The following SGIP1 variants were observed in gnomAD, a reference collection of about 807,000 sequenced individuals.
The protein encoded by SGIP1 is SH3-containing GRB2-like protein 3-interacting protein 1.
In SGIP1, 38 loss-of-function variants were observed where a neutral mutation model predicts 107.5. The observed-to-expected ratio is 0.35, with a 90% confidence interval of 0.27 to 0.46. The LOEUF is 0.46. Ranked by LOEUF, SGIP1 falls within the 20% of genes least tolerant of loss-of-function variation. SGIP1 has a pLI of 1.00. For missense variants in SGIP1, 929 were observed against 1,019.5 expected (o/e 0.91, Z 1.21); for synonymous variants, 365 against 366.1 (o/e 1.00, Z 0.03).
At chr1:66,732,590 G>A (rs1273702105) in intron 20 of SGIP1, among the ~76,000 whole-genome samples, 1 of 152,134 alleles carries the variant, frequency 6.6e-6, no homozygotes, top group African/African-American at 2.4e-5. Context: ...ACAGATCAGT[G>A]ACAGTTTTAA....
At chr1:66,593,934 C>A (rs1169920551) in intron 1 of SGIP1, among the ~76,000 whole-genome samples, 1 of 152,058 alleles carries the variant, frequency 6.6e-6, no homozygotes, top group Non-Finnish European at 1.5e-5. Context: ...TAATAATATT[C>A]TTAAAGAATA....
At position 66,745,690 on chromosome 1, in the gene SGIP1, T is replaced by C. The variant is rs1015491820; in HGVS notation, c.*2595T>C. The C allele has an allele frequency of 3.9e-5, 6 of 152,192 alleles. No individual in the cohort carries two copies. Among genetic ancestry groups the C allele is most frequent in the East Asian group, 1.9e-4 (1 of 5,184 alleles). 9.4% of individuals were successfully genotyped at this position (152,192 alleles called of 1,614,324 possible). ...AGGGGTTAAAACAAAAAGAAATTGT[T>C]CTAGTTAACCAGAACACCATTTCCT... On this transcript the variant is annotated 3_prime_UTR_variant, in exon 25 of 25. Transcript: ENST00000371037.
At chr1:66,604,369 G>C (rs183299241) in intron 1 of SGIP1, among the ~76,000 whole-genome samples, 1 of 152,064 alleles carries the variant, frequency 6.6e-6, no homozygotes, top group African/African-American at 2.4e-5. Context: ...CATCATGGTC[G>C]TCTCAGACAA....
intron 1 of SGIP1, among the ~76,000 whole-genome samples, chr1:66,558,910 G>T (rs1435598477): frequency 6.6e-6 from 1 of 151,934 alleles, no homozygotes; most frequent in Non-Finnish European, 1.5e-5. Flanking sequence ...TTGTGATTTG[G>T]TTTCAAAGAA....
chr1:66,620,301 T>C (rs2070653312), intron 1 of SGIP1, among the ~76,000 whole-genome samples: 1 of 152,186 alleles, frequency 6.6e-6, no homozygotes, highest in Admixed American at 6.6e-5. Context: ...AAAAAGGTTA[T>C]TTTTAAAAAG....
At chr1:66,634,116 C>T in intron 3 of SGIP1, 1 of 1,610,094 alleles carries the variant, frequency 6.2e-7, no homozygotes, top group Non-Finnish European at 8.5e-7. Flanking sequence ...TCAGCTTCTC[C>T]TCACCTCTTG....
At position 66,580,993 on chromosome 1, in the gene SGIP1, T is replaced by C. The variant is rs139867293; in HGVS notation, c.11-44854T>C. On this transcript the variant is annotated intron_variant, in intron 1 of 24. Transcript: ENST00000371037. ...GTTTGGATCTGTGCACTCTAACCTA[T>C]AGAAAAGCCATCATATATACCAAAA... is the stretch of plus-strand genomic sequence containing the variant. 4.1e-3 allele frequency among the ~76,000 whole-genome samples: 631 copies of C among 152,240 alleles called. 4 individuals carry two copies. Among genetic ancestry groups the C allele is most frequent in the African/African-American group, 0.014 (601 of 41,564 alleles).
At chr1:66,677,314 T>A (rs1300336841) in intron 13 of SGIP1, among the ~76,000 whole-genome samples, 1 of 152,246 alleles carries the variant, frequency 6.6e-6, no homozygotes, top group East Asian at 1.9e-4. Context: ...ATTATTAACC[T>A]TGAATCATAG....
At position 66,682,338 on chromosome 1, in the gene SGIP1, T is replaced by C. The variant is rs1489001350; in HGVS notation, c.1284T>C (p.Pro428=). The part of the protein sequence containing the change: ...TYRTVVSSPG[P]GSGPGPGTTS... ...GGACTGTGGTTTCGTCCCCCGGACC[T>C]GGCTCGGGCCCTGGTCCGGGGACCA... The change falls in exon 15 of 25, where the codon CCT becomes CCC. Residue 428 remains proline (P), a synonymous_variant. Transcript: ENST00000371037. 4 of 1,613,680 alleles carry C rather than the reference T, an allele frequency of 2.5e-6. No homozygotes were observed. Among genetic ancestry groups the C allele is most frequent in the Non-Finnish European group, 3.4e-6 (4 of 1,179,888 alleles).
At chr1:66,571,182 A>G (rs766826878) in intron 1 of SGIP1, among the ~76,000 whole-genome samples, 15 of 152,036 alleles carry the variant, frequency 9.9e-5, no homozygotes, top group African/African-American at 3.6e-4. Flanking sequence ...AAAATGTTAA[A>G]TGAAACCAAA....
intron 1 of SGIP1, among the ~76,000 whole-genome samples, chr1:66,576,051 T>G (rs560601895): frequency 3.0e-4 from 45 of 152,282 alleles, no homozygotes; most frequent in Non-Finnish European, 5.6e-4. Flanking sequence ...CAATATTTAT[T>G]TATATATTGC....
At position 66,729,380 on chromosome 1, in the gene SGIP1, G is replaced by C. The variant is rs765093165; in HGVS notation, c.1859G>C (p.Arg620Thr). 2 of 1,614,024 alleles carry C rather than the reference G, an allele frequency of 1.2e-6. No homozygotes were observed. The highest frequency in any genetic ancestry group is 1.7e-6 in the Non-Finnish European group (2 of 1,179,972). The change falls in exon 20 of 25, where the codon AGG (arginine) becomes ACG (threonine). Residue 620 changes from arginine (R) to threonine (T), a missense_variant. By Grantham distance (71) the Arg-to-Thr change is moderately conservative. Around this residue, in one of 2 missense-constraint regions of SGIP1, gnomAD observed 341 missense variants for 430.9 expected, o/e 0.79. Transcript: ENST00000371037. ...ACTTTTCGGGTGATAAATTTCAGCA[G>C]GTTAGAACACGTCCTGCCAAACCCC... ...ALTFRVINFS[R>T]LEHVLPNPQL...
At chr1:66,709,918 C>A (rs1247652496) in intron 18 of SGIP1, among the ~76,000 whole-genome samples, 1 of 151,946 alleles carries the variant, frequency 6.6e-6, no homozygotes, top group African/African-American at 2.4e-5. Context: ...TCAAAACACT[C>A]AAGAAAACAT....
chr1:66,688,974 A>C (rs1333341075), intron 15 of SGIP1, among the ~76,000 whole-genome samples, 174 bp from the exon 16 acceptor site: 1 of 148,738 alleles, frequency 6.7e-6, no homozygotes. Flanking sequence ...GAAATCATTA[A>C]TTTTTTTTCT....
In SGIP1 at chr1:66,694,601, C is replaced by T. The variant is rs2090508740; in HGVS notation, c.1571-833C>T. On this transcript the variant is annotated intron_variant, in intron 17 of 24. Coordinates refer to ENST00000371037, the MANE Select transcript of SGIP1 (RefSeq NM_032291.4). ...ATAAACTTCATGGACATGCCCTCAC[C>T]TCATGAGTGTCCAGTGCCTCTCAGA... 4 of 911,700 alleles carry T rather than the reference C, an allele frequency of 4.4e-6. No homozygotes were observed. The South Asian group carries it at 7.9e-5, about 18-fold the overall frequency. 56.5% of individuals were successfully genotyped at this position (911,700 alleles called of 1,614,324 possible). A position where few individuals can be genotyped will look rare whatever the true frequency, so the allele number is the denominator to read the frequency against.
At chr1:66,575,281 T>A (rs2060907588) in intron 1 of SGIP1, among the ~76,000 whole-genome samples, 1 of 152,160 alleles carries the variant, frequency 6.6e-6, no homozygotes, top group Non-Finnish European at 1.5e-5. Flanking sequence ...AGACTGCCAG[T>A]GATAGAACAA....
intron 9 of SGIP1, 61 bp from the exon 10 acceptor site, chr1:66,670,934 T>C (rs1463231356): frequency 5.3e-6 from 4 of 751,782 alleles, no homozygotes; most frequent in Middle Eastern, 2.6e-4. Context: ...ACAGAAATAA[T>C]ACATATTGTA....
chr1:66,672,049 C>T, intron 11 of SGIP1, 54 bp downstream of exon 11: 1 of 1,539,566 alleles, frequency 6.5e-7, no homozygotes. Context: ...GAACTTTTAA[C>T]AATTAAGCAA....
chr1:66,638,639 G>A (rs1005442456), intron 4 of SGIP1, among the ~76,000 whole-genome samples: 1 of 152,136 alleles, frequency 6.6e-6, no homozygotes, highest in Non-Finnish European at 1.5e-5. Flanking sequence ...CCTTGCCAAA[G>A]CCCTGCTAGT....
Sources: gnomAD v4.1 joint callset for allele counts (sites outside exome capture counted in the v4.1 genomes callset) on GRCh38, gnomAD v4.1.1 for gene constraint, gnomAD v4.1.1 regional missense constraint, MANE v1.5 for transcripts, NCBI Gene and HGNC (gene_info 2026-07-23, HGNC 2026-07-21) for gene names.